The following CAMK1G variants were observed in gnomAD, a reference collection of about 807,000 sequenced individuals.
CAMK1G encodes calcium/calmodulin-dependent protein kinase type 1G.
CAMK1G carries 27 observed loss-of-function variants against 54.8 expected under a neutral mutation model. The ratio of observed to expected loss-of-function variants is 0.49; its 90% CI spans 0.36 to 0.68. CAMK1G has a LOEUF of 0.68. CAMK1G is among the 30% of genes least tolerant of loss of function. The pLI is 0.00. For missense variants in CAMK1G, 512 were observed against 591.0 expected, an observed-to-expected ratio of 0.87 and a Z score of 1.39; for synonymous variants, 238 against 224.9, an observed-to-expected ratio of 1.06 and a Z score of -0.52.
At position 209,611,868 on chromosome 1, in the gene CAMK1G, C is replaced by T; in HGVS notation, c.992C>T (p.Pro331Leu). The change falls in exon 11 of 13, where the codon CCA (proline) becomes CTA (leucine). Residue 331 changes from proline (P) to leucine (L), a missense_variant. Pro to Leu is a moderately conservative substitution (Grantham distance 98, BLOSUM62 -3). This residue lies in a region of CAMK1G where 315 missense variants were observed against 330.5 expected (regional missense o/e 0.95). Transcript: ENST00000361322. The stretch of plus-strand genomic sequence containing the variant: ...AACCTGCACAGCCCGGGCGTCCGCC[C>T]AGAGGTGGAGAACAGGCCGCCTGAA... ...HMNLHSPGVR[P>L]EVENRPPETQ... is the part of the protein sequence containing the mutation. 6 of 1,614,248 alleles carry T rather than the reference C, an allele frequency of 3.7e-6. No individual in the cohort carries two copies. The highest frequency in any genetic ancestry group is 5.1e-6 in the Non-Finnish European group (6 of 1,180,036).
intron 8 of CAMK1G, 98 bp downstream of exon 8, chr1:209,609,190 G>C: frequency 7.0e-7 from 1 of 1,434,710 alleles, no homozygotes. Flanking sequence ...GCTCTTCAAA[G>C]TCCCTGGGGA....
chr1:209,613,001 G>A, intron 12 of CAMK1G, 39 bp from the exon 13 acceptor site: 2 of 680,246 alleles, frequency 2.9e-6, no homozygotes, highest in Non-Finnish European at 5.2e-6. Context: ...GGTCTGAGGT[G>A]GCAACCCCCT....
At chr1:209,594,911 A>G in intron 1 of CAMK1G, 44 bp from the exon 2 acceptor site, 2 of 1,200,566 alleles carry the variant, frequency 1.7e-6, no homozygotes, top group Non-Finnish European at 2.4e-6. Flanking sequence ...AAAGCAGCTG[A>G]CCAGACCTTT....
chr1:209,586,112 C>G (rs974657229), intron 1 of CAMK1G, among the ~76,000 whole-genome samples: 2 of 152,192 alleles, frequency 1.3e-5, no homozygotes, highest in African/African-American at 4.8e-5. Flanking sequence ...TGTACTCTAT[C>G]CCTGGTAGGG....
At chr1:209,603,387 G>A in intron 4 of CAMK1G, 99 bp downstream of exon 4, 2 of 888,212 alleles carry the variant, frequency 2.3e-6, no homozygotes, top group East Asian at 2.5e-5. Context: ...GCAATTCAAA[G>A]ACAAAAATGA....
intron 1 of CAMK1G, among the ~76,000 whole-genome samples, chr1:209,587,808 C>T (rs1202998401): frequency 6.6e-6 from 1 of 152,090 alleles, no homozygotes; most frequent in Non-Finnish European, 1.5e-5. Context: ...TTGTGTGACC[C>T]AGCAAGAAAA....
intron 5 of CAMK1G, 138 bp downstream of exon 5, chr1:209,605,812 T>A: frequency 1.3e-6 from 1 of 789,958 alleles, no homozygotes; most frequent in Non-Finnish European, 1.9e-6. Context: ...TTAGATTCCT[T>A]AAACAGACCT....
Position 209,612,878 on chromosome 1 carries a change from C to T in CAMK1G, c.*3C>T. 3 of 1,596,372 alleles carry T rather than the reference C, an allele frequency of 1.9e-6. No homozygotes were observed. Among genetic ancestry groups the T allele is most frequent in the Non-Finnish European group, 2.6e-6 (3 of 1,164,274 alleles). ...CTGGAGTCTGTCTCATTATGTGATT[C>T]CTGGAGCCTGTGCCTATGTCACTGC... is the stretch of plus-strand genomic sequence containing the variant. On this transcript the variant is annotated 3_prime_UTR_variant, in exon 12 of 13. Transcript: ENST00000361322.
chr1:209,608,363 G>A (rs61481404), intron 7 of CAMK1G, among the ~76,000 whole-genome samples: 2,175 of 152,240 alleles, frequency 0.014, 45 homozygotes, highest in African/African-American at 0.047. Context: ...GGATAAAGCT[G>A]GTCAGGGCCT....
At chr1:209,612,354 G>A (rs1234955185) in intron 11 of CAMK1G, 138 bp downstream of exon 11, 4 of 922,652 alleles carry the variant, frequency 4.3e-6, no homozygotes, top group Non-Finnish European at 6.5e-6. Context: ...GGATGAGGGG[G>A]CAAGGAAAAT....
At chr1:209,585,120 A>G (rs1484609351) in intron 1 of CAMK1G, among the ~76,000 whole-genome samples, 1 of 152,102 alleles carries the variant, frequency 6.6e-6, no homozygotes, top group East Asian at 1.9e-4. Flanking sequence ...GATGCTGCAG[A>G]TTGCTCTGGT....
intron 4 of CAMK1G, among the ~76,000 whole-genome samples, chr1:209,604,911 T>C (rs546729237): frequency 6.6e-6 from 1 of 152,268 alleles, no homozygotes; most frequent in South Asian, 2.1e-4. Flanking sequence ...CACTTATGTG[T>C]TCTAGTACTC....
chr1:209,593,187 A>T (rs1571774297), intron 1 of CAMK1G, among the ~76,000 whole-genome samples: 1 of 152,320 alleles, frequency 6.6e-6, no homozygotes, highest in East Asian at 1.9e-4. Flanking sequence ...GTAGGATTTG[A>T]ACTCAGGTTG....
intron 10 of CAMK1G, 35 bp from the exon 11 acceptor site, chr1:209,611,757 G>A: frequency 6.2e-7 from 1 of 1,601,520 alleles, no homozygotes; most frequent in African/African-American, 1.3e-5. Context: ...CTCTGAGGTT[G>A]CAGAAGGCCA....
intron 4 of CAMK1G, among the ~76,000 whole-genome samples, chr1:209,604,862 CA>C (rs1269036510): frequency 6.6e-6 from 1 of 151,970 alleles, no homozygotes; most frequent in Non-Finnish European, 1.5e-5. Context: ...AGGAATATTC[CA>C]AAAAACACTC....
Position 209,603,286 on chromosome 1 carries a change from G to A in CAMK1G, c.294G>A (p.Gln98=), listed in dbSNP as rs1665571586. The A allele has an allele frequency of 6.2e-7, 1 of 1,613,556 alleles. No individual in the cohort carries two copies. The highest frequency in any genetic ancestry group is 8.5e-7 in the Non-Finnish European group (1 of 1,179,476). Residue 98 remains glutamine, a splice_region_variant and synonymous_variant, in exon 4 of 13, where the codon CAG becomes CAA. Transcript: ENST00000361322. ...ESTTHYYLVM[Q]LVSGGELFDR... ...CCACCCACTACTACCTGGTCATGCAGCTGTAAGTAAAAGGTGACTTGCTTC... is the reference window on the plus strand; with the variant it reads ...CCACCCACTACTACCTGGTCATGCAACTGTAAGTAAAAGGTGACTTGCTTC...
chr1:209,605,783 C>A, intron 5 of CAMK1G, 109 bp downstream of exon 5: 1 of 1,075,112 alleles, frequency 9.3e-7, no homozygotes, highest in Non-Finnish European at 1.3e-6. Flanking sequence ...ACTAGTGACT[C>A]CCAAGGCCCC....
chr1:209,595,823 G>A (rs1225841478), intron 2 of CAMK1G, among the ~76,000 whole-genome samples: 2 of 152,156 alleles, frequency 1.3e-5, no homozygotes, highest in Admixed American at 1.3e-4. Context: ...GTCTGAACCT[G>A]CACCTTGAAG....
At chr1:209,587,684 G>A (rs1665137945) in intron 1 of CAMK1G, among the ~76,000 whole-genome samples, 1 of 152,076 alleles carries the variant, frequency 6.6e-6, no homozygotes, top group African/African-American at 2.4e-5. Flanking sequence ...GATCTGCCTG[G>A]GGCTGCACAG....
Sources: gnomAD v4.1 joint callset for allele counts (sites outside exome capture counted in the v4.1 genomes callset) on GRCh38, gnomAD v4.1.1 for gene constraint, gnomAD v4.1.1 regional missense constraint, MANE v1.5 for transcripts, NCBI Gene and HGNC (gene_info 2026-07-23, HGNC 2026-07-21) for gene names.